Variants in MAGI1 observed in about 807,000 individuals in gnomAD.
MAGI1 encodes membrane associated guanylate kinase, WW and PDZ domain containing 1, also known as membrane-associated guanylate kinase, WW and PDZ domain-containing protein 1.
Under a neutral mutation model 139.9 loss-of-function variants are expected in MAGI1, and 58 were observed. The observed-to-expected ratio is 0.41, with a 90% CI of 0.34 to 0.52. MAGI1 has a LOEUF of 0.52. Among genes scored for constraint, MAGI1 ranks in the 20% least tolerant of loss-of-function variants. The pLI is 0.12. For missense variants in MAGI1, 1,874 were observed against 1,901.6 expected, an observed-to-expected ratio of 0.99 and a Z score of 0.27; for synonymous variants, 812 against 737.9, an observed-to-expected ratio of 1.10 and a Z score of -1.63.
chr3:65,558,209 C>A (rs1322558568), intron 2 of MAGI1, among the ~76,000 whole-genome samples: 1 of 55,840 alleles, frequency 1.8e-5, no homozygotes, highest in African/African-American at 4.0e-5. Flanking sequence ...AGTCCAAGTG[C>A]CCCCATCTGT....
chr3:65,802,691 T>G (rs573071945), intron 1 of MAGI1, among the ~76,000 whole-genome samples: 1 of 152,314 alleles, frequency 6.6e-6, no homozygotes, highest in South Asian at 2.1e-4. Flanking sequence ...ATACCTGGCA[T>G]AAAACAAACA....
intron 1 of MAGI1, chr3:65,893,946 G>A (rs2060867546): frequency 6.6e-6 from 1 of 152,102 alleles, no homozygotes; most frequent in South Asian, 2.1e-4. Flanking sequence ...GGAACACTTG[G>A]ATGTGGCCTC....
At chr3:65,444,110 G>A (rs906094105) in intron 7 of MAGI1, among the ~76,000 whole-genome samples, 1 of 152,106 alleles carries the variant, frequency 6.6e-6, no homozygotes, top group Non-Finnish European at 1.5e-5. Flanking sequence ...CAAAGAGACA[G>A]GTTTTCCCCC....
chr3:65,834,951 T>C (rs1457918056), intron 1 of MAGI1, among the ~76,000 whole-genome samples: 2 of 152,228 alleles, frequency 1.3e-5, no homozygotes, highest in Non-Finnish European at 2.9e-5. Context: ...TCCATCCTTT[T>C]ACTTTGAACC....
At chr3:65,680,795 T>TATGATATGATATATG (rs58365928) in intron 1 of MAGI1, among the ~76,000 whole-genome samples, 8,683 of 151,090 alleles carry the variant, frequency 0.057, 344 homozygotes, top group Non-Finnish European at 0.083. Context: ...TATGATATGA[T>TATGATATGATATATG]ATACTTTAAT....
chr3:65,769,389 T>C (rs766336935), intron 1 of MAGI1, among the ~76,000 whole-genome samples: 2 of 152,198 alleles, frequency 1.3e-5, no homozygotes, highest in Non-Finnish European at 2.9e-5. Context: ...TTCAGGAGGC[T>C]GAGGCAGGAA....
intron 1 of MAGI1, among the ~76,000 whole-genome samples, chr3:65,682,377 C>G (rs1424917946): frequency 1.3e-5 from 2 of 152,080 alleles, no homozygotes; most frequent in African/African-American, 2.4e-5. Flanking sequence ...AGACCTAGAT[C>G]AAGGGAAGAA....
intron 2 of MAGI1, among the ~76,000 whole-genome samples, chr3:65,608,909 TA>T (rs2082891128): frequency 6.6e-6 from 1 of 152,046 alleles, no homozygotes; most frequent in Admixed American, 6.6e-5. Context: ...ACACAGCAAT[TA>T]AAAAAATCAA....
intron 1 of MAGI1, among the ~76,000 whole-genome samples, chr3:66,000,033 C>A (rs2066660413): frequency 1.5e-5 from 2 of 134,406 alleles, no homozygotes; most frequent in Non-Finnish European, 3.0e-5. Context: ...AGTGCAGTGG[C>A]GCGAACTAGG....
intron 1 of MAGI1, among the ~76,000 whole-genome samples, chr3:65,864,230 A>G (rs915110300): frequency 1.3e-5 from 2 of 152,226 alleles, no homozygotes; most frequent in Admixed American, 1.3e-4. Flanking sequence ...GAAACGTATA[A>G]ATAAATAACC....
intron 1 of MAGI1, among the ~76,000 whole-genome samples, chr3:65,857,530 G>T (rs1031569185): frequency 6.6e-6 from 1 of 152,124 alleles, no homozygotes; most frequent in African/African-American, 2.4e-5. Context: ...GGTCCTGCTG[G>T]GTCACACGGT....
chr3:65,354,167 T>C lies in MAGI1; in HGVS notation c.*2211A>G, dbSNP rs1940102170. 2 of 152,400 alleles carry C rather than the reference T, an allele frequency of 1.3e-5. No individual in the cohort carries two copies. Among genetic ancestry groups the C allele is most frequent in the Admixed American group, 6.5e-5 (1 of 15,284 alleles). 9.4% of individuals were successfully genotyped at this position (152,400 alleles called of 1,614,324 possible). ...GAGCCCTGGGAATAAAATCTCCAAG[T>C]CAGCTCTTAGGAACTTGATGAAAAA... On this transcript the variant is annotated 3_prime_UTR_variant, in exon 23 of 23. Transcript: ENST00000402939.
chr3:65,715,320 A>G (rs1036309084), intron 1 of MAGI1, among the ~76,000 whole-genome samples: 3 of 152,186 alleles, frequency 2.0e-5, no homozygotes, highest in Non-Finnish European at 4.4e-5. Context: ...TGGTCCCCTT[A>G]TAGCATTTTC....
rs1225365382 is a variant in MAGI1, at chr3:65,698,721, C to T, written c.314-76633G>A. On this transcript the variant is annotated intron_variant, in intron 1 of 22. Coordinates refer to ENST00000402939, the MANE Select transcript of MAGI1 (RefSeq NM_001033057.2). Reference sequence around the variant, plus strand: ...CCTTCCTTACACCTTATACAAAAATCAATTCAAGATGGATTAAAGACTTAA... The same window carrying T: ...CCTTCCTTACACCTTATACAAAAATTAATTCAAGATGGATTAAAGACTTAA... Among the ~76,000 whole-genome samples the T allele has an allele frequency of 1.2e-4, 18 of 149,240 alleles. No homozygotes were observed. In the East Asian group the frequency reaches 1.6e-3, roughly 13 times the overall value.
intron 4 of MAGI1, among the ~76,000 whole-genome samples, chr3:65,473,746 GAA>G (rs5849676): frequency 3.4e-5 from 5 of 147,468 alleles, no homozygotes; most frequent in South Asian, 4.3e-4. Context: ...TTTCCTGGAG[GAA>G]AAAAAAAAAT....
intron 1 of MAGI1, among the ~76,000 whole-genome samples, chr3:65,750,664 A>G (rs1298283023): frequency 2.6e-5 from 4 of 152,210 alleles, no homozygotes; most frequent in African/African-American, 4.8e-5. Flanking sequence ...CACCTGAGGT[A>G]AAATGCTTAC....
In MAGI1 at chr3:65,941,590, A is replaced by G. The variant is rs547310077; in HGVS notation, c.313+96406T>C. 5.3e-5 allele frequency among the ~76,000 whole-genome samples: 8 copies of G among 152,148 alleles called. No homozygotes were observed. In the East Asian group the frequency reaches 5.8e-4, roughly 11 times the overall value. ...AAGTCTAGATTGTGAACTGTCCCCT[A>G]TGGGGACAACATCCCCACCCCCACC... is the stretch of plus-strand genomic sequence containing the variant. On this transcript the variant is annotated intron_variant, in intron 1 of 22. Coordinates refer to ENST00000402939, the MANE Select transcript of MAGI1 (RefSeq NM_001033057.2).
intron 1 of MAGI1, among the ~76,000 whole-genome samples, chr3:65,689,862 C>A (rs561289417): frequency 6.6e-6 from 1 of 152,180 alleles, no homozygotes; most frequent in Non-Finnish European, 1.5e-5. Context: ...TTTTCACAAG[C>A]CAGCAAGCTA....
intron 1 of MAGI1, among the ~76,000 whole-genome samples, chr3:65,903,492 A>G (rs2061320747): frequency 6.6e-6 from 1 of 152,156 alleles, no homozygotes. Context: ...TCTGACACAC[A>G]AAGAGCACTC....
Sources: gnomAD v4.1 joint callset for allele counts (sites outside exome capture counted in the v4.1 genomes callset) on GRCh38, gnomAD v4.1.1 for gene constraint, MANE v1.5 for transcripts, NCBI Gene and HGNC (gene_info 2026-07-23, HGNC 2026-07-21) for gene names.